Variants in MAEA observed in about 807,000 individuals in gnomAD.
The protein encoded by MAEA is E3 ubiquitin-protein transferase MAEA.
Under a neutral mutation model 46.2 loss-of-function variants are expected in MAEA, and 22 were observed. That is an observed-to-expected ratio of 0.48 (90% CI 0.34 to 0.68). The LOEUF is 0.68. Ranked by LOEUF, MAEA falls within the 30% of genes least tolerant of loss-of-function variation. The pLI is 0.01. For synonymous variants in MAEA, 246 were observed against 222.6 expected (o/e 1.11, Z -0.94); for missense variants, 393 against 558.1 (o/e 0.70, Z 2.98).
intron 5 of MAEA, chr4:1,330,505 T>A (rs373947615): frequency 6.6e-6 from 1 of 151,734 alleles, no homozygotes; most frequent in Non-Finnish European, 1.5e-5. Context: ...TTAGTAGAGA[T>A]GGGGTTTCAC....
chr4:1,313,370 G>C (rs1362263102), intron 2 of MAEA, among the ~76,000 whole-genome samples: 1 of 152,174 alleles, frequency 6.6e-6, no homozygotes, highest in Non-Finnish European at 1.5e-5. Context: ...CCAGCAGGCA[G>C]TAGACAGAGG....
At chr4:1,327,364 G>A (rs11725015) in intron 4 of MAEA, among the ~76,000 whole-genome samples, 13,408 of 152,304 alleles carry the variant, frequency 0.088, 1,273 homozygotes, top group East Asian at 0.4. Context: ...TGGCCTTCGG[G>A]TTGAAATGCT....
intron 4 of MAEA, 40 bp from the exon 5 acceptor site, chr4:1,327,587 G>A (rs747469042): frequency 4.0e-6 from 6 of 1,496,928 alleles, no homozygotes; most frequent in Non-Finnish European, 5.6e-6. Context: ...GGGCTCTGTG[G>A]GATGTGCTGT....
At chr4:1,332,210 G>T in intron 5 of MAEA, 1 of 153,172 alleles carries the variant, frequency 6.5e-6, no homozygotes, top group Non-Finnish European at 1.5e-5. Flanking sequence ...GGGGGCAGGT[G>T]CCATTTGCAG....
chr4:1,338,849 C>T (rs1320764948), intron 8 of MAEA: 4 of 650,926 alleles, frequency 6.1e-6, no homozygotes, highest in Non-Finnish European at 1.1e-5. Flanking sequence ...TGGGACAGGG[C>T]TGTCCTCTCG....
intron 6 of MAEA, chr4:1,335,306 AT>A: frequency 1.0e-6 from 1 of 985,486 alleles, no homozygotes; most frequent in Non-Finnish European, 1.2e-6. Context: ...GTGTGAGTCT[AT>A]TTTTTGTCAC....
At chr4:1,324,961 T>A (rs1738612607) in intron 4 of MAEA, among the ~76,000 whole-genome samples, 1 of 151,900 alleles carries the variant, frequency 6.6e-6, no homozygotes, top group African/African-American at 2.4e-5. Context: ...TTGGATGAAG[T>A]CGAGACTGGA....
At chr4:1,301,957 A>G (rs1735359147) in intron 1 of MAEA, among the ~76,000 whole-genome samples, 1 of 144,706 alleles carries the variant, frequency 6.9e-6, no homozygotes, top group Non-Finnish European at 1.5e-5. Context: ...CAACTCTTCT[A>G]AAAACAGTTA....
intron 5 of MAEA, chr4:1,331,387 G>T (rs936989056): frequency 6.6e-6 from 1 of 152,168 alleles, no homozygotes; most frequent in Non-Finnish European, 1.5e-5. Flanking sequence ...GGTCCCAAGC[G>T]TGGACGCCCC....
rs1713273410 is a variant in MAEA at position 1,339,757 on chromosome 4, G to T, written c.*588G>T. On this transcript the variant is annotated 3_prime_UTR_variant, in exon 9 of 9. Coordinates refer to ENST00000303400, the MANE Select transcript of MAEA (RefSeq NM_001017405.3). ...CCTGCCTCGCGGGTCGTGTCCGCGGGACTGTGTTCGTACGTGCATAGTTTC... is the reference window on the plus strand; with the variant it reads ...CCTGCCTCGCGGGTCGTGTCCGCGGTACTGTGTTCGTACGTGCATAGTTTC... 1 of 155,018 alleles carries T rather than the reference G, an allele frequency of 6.5e-6. No homozygotes were observed. The highest frequency in any genetic ancestry group is 2.4e-5 in the African/African-American group (1 of 41,490). The allele number at this position is 155,018 out of a possible 1,614,324, so 9.6% of individuals were successfully genotyped here. A position where few individuals can be genotyped will look rare whatever the true frequency, so the allele number is the denominator to read the frequency against.
At chr4:1,298,137 C>T (rs1035633468) in intron 1 of MAEA, 2 of 452,608 alleles carry the variant, frequency 4.4e-6, no homozygotes, top group South Asian at 3.1e-5. Context: ...TATGCCCCTC[C>T]TTCTCCATGA....
chr4:1,297,833 T>C, intron 1 of MAEA: 5 of 361,850 alleles, frequency 1.4e-5, no homozygotes, highest in South Asian at 1.0e-4. Flanking sequence ...AGAGTATGTC[T>C]TGGTCTCATG....
intron 5 of MAEA, chr4:1,328,628 C>T (rs1739146496): frequency 8.0e-7 from 1 of 1,256,804 alleles, no homozygotes; most frequent in Non-Finnish European, 1.0e-6. Flanking sequence ...CCATATCCAC[C>T]TGCAGTGGGC....
Position 1,339,369 on chromosome 4 carries a change from G to C in MAEA, c.*200G>C. The C allele has an allele frequency of 1.7e-6, 1 of 574,620 alleles. No homozygotes were observed. The highest frequency in any genetic ancestry group is 3.1e-6 in the Non-Finnish European group (1 of 324,038). The allele number at this position is 574,620 out of a possible 1,614,324, so 35.6% of individuals were successfully genotyped here. A position where few individuals can be genotyped will look rare whatever the true frequency, so the allele number is the denominator to read the frequency against. ...TACTTGAAAACATTTGGATTGGTAG[G>C]ATTTTGTAACACGTCAACCATTTGA... On this transcript the variant is annotated 3_prime_UTR_variant, in exon 9 of 9. Coordinates refer to ENST00000303400, the MANE Select transcript of MAEA (RefSeq NM_001017405.3).
At chr4:1,295,687 ACCCCCTCACCCACACCTGTAC>A (rs1560323410) in intron 1 of MAEA, among the ~76,000 whole-genome samples, 1 of 4,892 alleles carries the variant, frequency 2.0e-4, no homozygotes, top group African/African-American at 9.8e-4. Flanking sequence ...CCGCTCCTAT[ACCCCCTCACCCACACCTGTAC>A]CCCCCTCACC....
intron 5 of MAEA, chr4:1,331,712 G>A (rs1004957055): frequency 2.0e-5 from 3 of 152,254 alleles, no homozygotes; most frequent in African/African-American, 7.3e-5. Flanking sequence ...TGAGGGTCAG[G>A]ACATGGGGGT....
In MAEA at chr4:1,304,021, C is replaced by G. The variant is rs73796083; in HGVS notation, c.70-7958C>G. 2.9e-3 allele frequency among the ~76,000 whole-genome samples: 436 copies of G among 151,952 alleles called. 5 individuals carry two copies. The highest frequency in any genetic ancestry group is 0.01 in the African/African-American group (423 of 41,390). Reference sequence around the variant, plus strand: ...GAGTCGGGAGTTTTTAGTCCAGGTCCATAGAAGTAGAATACCTGGGTTGAA... The same window carrying G: ...GAGTCGGGAGTTTTTAGTCCAGGTCGATAGAAGTAGAATACCTGGGTTGAA... On this transcript the variant is annotated intron_variant, in intron 1 of 8. Coordinates refer to ENST00000303400, the MANE Select transcript of MAEA (RefSeq NM_001017405.3).
chr4:1,332,796 G>A lies in MAEA; in HGVS notation c.696G>A (p.Gln232=), dbSNP rs1259853121. ...ACTTCAGCCAAGCAGAAGGGAGCCA[G>A]CTGGACGAGGTGCGCCAGGCCATGG... The part of the protein sequence containing the change: ...RKHFSQAEGS[Q]LDEVRQAMGM... Residue 232 remains glutamine, a synonymous_variant, in exon 6 of 9, where the codon CAG becomes CAA. Transcript: ENST00000303400. 6.2e-7 allele frequency: 1 copy of A among 1,613,228 alleles called. No individual in the cohort carries two copies. The highest frequency in any genetic ancestry group is 8.5e-7 in the Non-Finnish European group (1 of 1,179,800).
intron 3 of MAEA, among the ~76,000 whole-genome samples, chr4:1,318,357 TCCTGTGGTGG>T (rs1737580247): frequency 6.6e-6 from 1 of 151,830 alleles, no homozygotes; most frequent in Non-Finnish European, 1.5e-5. Context: ...AAGAAGGGGG[TCCTGTGGTGG>T]GCACAGGCCA....
Sources: gnomAD v4.1 joint callset for allele counts (sites outside exome capture counted in the v4.1 genomes callset) on GRCh38, gnomAD v4.1.1 for gene constraint, MANE v1.5 for transcripts, NCBI Gene and HGNC (gene_info 2026-07-23, HGNC 2026-07-21) for gene names.